GRK7: variants seen among roughly 807,000 people sequenced by gnomAD.
The protein encoded by GRK7 is G protein-coupled receptor kinase 7.
In GRK7, 24 loss-of-function variants were observed where a neutral mutation model predicts 34.1. The observed-to-expected ratio is 0.70, with a 90% CI of 0.51 to 0.99. The LOEUF is 0.99. GRK7 is among the 50% of genes least tolerant of loss of function. GRK7 has a pLI of 0.00. For missense variants in GRK7, 644 were observed against 707.3 expected (o/e 0.91, Z 1.02); for synonymous variants, 256 against 279.4 (o/e 0.92, Z 0.84).
intron 4 of GRK7, among the ~76,000 whole-genome samples, chr3:141,787,264 A>G (rs1356866992): frequency 6.6e-6 from 1 of 152,228 alleles, no homozygotes; most frequent in Non-Finnish European, 1.5e-5. Flanking sequence ...ACACATCAGT[A>G]GAAAACTCAT....
At chr3:141,793,955 C>G (rs2084737692) in intron 4 of GRK7, among the ~76,000 whole-genome samples, 1 of 152,204 alleles carries the variant, frequency 6.6e-6, no homozygotes, top group Non-Finnish European at 1.5e-5. Context: ...CCCTCACAGA[C>G]ACCCAGGGCT....
rs1533499 is a variant in GRK7 at position 141,778,132 on chromosome 3, G to A, written c.-113-40G>A. The A allele has an allele frequency of 0.67, 611,158 of 909,186 alleles. 206,504 individuals carry two copies. The highest frequency in any genetic ancestry group is 0.72 in the Middle Eastern group (2,063 of 2,852). 56.3% of individuals were successfully genotyped at this position (909,186 alleles called of 1,614,324 possible). ...CATAGCCAGTCAAAGCTTCTTACAA[G>A]AGAAACCTCTTTCACACCCTCCACG... On this transcript the variant is annotated intron_variant, in intron 2 of 5. Transcript: ENST00000682958. This position sits in a 1 kb window ranked among gnomAD's most constrained non-coding sequence, Gnocchi z 4.1.
At chr3:141,785,374 G>T (rs554458630) in intron 4 of GRK7, among the ~76,000 whole-genome samples, 1 of 152,206 alleles carries the variant, frequency 6.6e-6, no homozygotes, top group Non-Finnish European at 1.5e-5. Context: ...CCTGGCTTGC[G>T]CTGGGTGTGG....
the GRK7 span, among the ~76,000 whole-genome samples, chr3:141,757,161 T>C: frequency 7.0e-5 from 10 of 143,464 alleles, no homozygotes; most frequent in Non-Finnish European, 1.1e-4. Context: ...TTTTTTTTTT[T>C]ATTATACTTT....
intron 4 of GRK7, among the ~76,000 whole-genome samples, chr3:141,806,566 A>T (rs895896733): frequency 1.9e-4 from 28 of 149,984 alleles, no homozygotes; most frequent in Non-Finnish European, 3.1e-4. Context: ...CCATCTCAAA[A>T]ATATATATAT....
intron 1 of GRK7, among the ~76,000 whole-genome samples, chr3:141,771,396 A>G (rs914089173): frequency 3.3e-5 from 5 of 152,214 alleles, no homozygotes; most frequent in Non-Finnish European, 7.3e-5. Flanking sequence ...GTAACTAAAT[A>G]ATGTGTACAT....
intron 1 of GRK7, among the ~76,000 whole-genome samples, chr3:141,766,062 A>C (rs971028179): frequency 6.6e-6 from 1 of 152,158 alleles, no homozygotes; most frequent in African/African-American, 2.4e-5. Flanking sequence ...TAATGTTACT[A>C]TTGTTTATAA....
At chr3:141,776,162 C>T (rs2084637800) in intron 2 of GRK7, among the ~76,000 whole-genome samples, 1 of 152,086 alleles carries the variant, frequency 6.6e-6, no homozygotes, top group African/African-American at 2.4e-5. Flanking sequence ...TGGCGGGCAC[C>T]TGTAGTCCTA....
At chr3:141,782,633 C>T (rs2084677390) in intron 4 of GRK7, among the ~76,000 whole-genome samples, 1 of 151,960 alleles carries the variant, frequency 6.6e-6, no homozygotes, top group Admixed American at 6.6e-5. Flanking sequence ...AGCTGAAAAA[C>T]ACCAACATGT....
chr3:141,778,575 G>C lies in GRK7; in HGVS notation c.291G>C (p.Glu97Asp). 6.2e-7 allele frequency: 1 copy of C among 1,613,262 alleles called. No homozygotes were observed. Among genetic ancestry groups the C allele is most frequent in the Non-Finnish European group, 8.5e-7 (1 of 1,179,858 alleles). ...ACGTGCAGAACTGGGAGCTGGCCGA[G>C]GAGGGACCCACCAAAGACAGCGCGC... ...LEDVQNWELA[E>D]EGPTKDSALQ... The change falls in exon 3 of 6, where the codon GAG becomes GAC. Residue 97 changes from glutamate (E) to aspartate (D), a missense_variant. By Grantham distance (45) the Glu-to-Asp change is conservative. Coordinates refer to ENST00000682958, the MANE Select transcript of GRK7 (RefSeq NM_139209.3). The surrounding 1 kb of genome is among the most constrained non-coding windows in gnomAD (Gnocchi z 4.1).
intron 1 of GRK7, among the ~76,000 whole-genome samples, chr3:141,772,209 C>A (rs1191213828): frequency 6.6e-6 from 1 of 152,092 alleles, no homozygotes; most frequent in Non-Finnish European, 1.5e-5. Flanking sequence ...ATTCTCCTGC[C>A]TCAGCCTCCC....
At chr3:141,815,699 CTGTG>C (rs61336912) in intron 5 of GRK7, among the ~76,000 whole-genome samples, 183 of 146,010 alleles carry the variant, frequency 1.3e-3, no homozygotes, top group East Asian at 0.011. Flanking sequence ...CTATTTTGAG[CTGTG>C]TGTGTGTGTG....
intron 4 of GRK7, among the ~76,000 whole-genome samples, chr3:141,805,072 ACACACG>A (rs1409910672): frequency 2.0e-5 from 3 of 149,966 alleles, no homozygotes; most frequent in Admixed American, 1.3e-4. Flanking sequence ...ACACACACAC[ACACACG>A]CACATACACT....
intron 4 of GRK7, among the ~76,000 whole-genome samples, chr3:141,799,300 G>A (rs1010795447): frequency 3.9e-5 from 6 of 152,142 alleles, no homozygotes; most frequent in African/African-American, 7.2e-5. Context: ...CTATAGAGGC[G>A]GAATAATGTA....
rs3057588 is a variant in GRK7 at position 141,803,265 on chromosome 3, GAAA to G, written c.1051-4362_1051-4360del. Among the ~76,000 whole-genome samples the G allele has an allele frequency of 3.6e-3, 380 of 106,850 alleles. 3 individuals carry two copies. The highest frequency in any genetic ancestry group is 9.7e-3 in the African/African-American group (267 of 27,404). The allele number at this position is 106,850 out of a possible 152,430, so 70.1% of individuals were successfully genotyped here. On this transcript the variant is annotated intron_variant, in intron 4 of 5. Transcript: ENST00000682958. ...AACATGGTGAAACCCTGTCTCTACT[GAAA>G]AAAAAAAAAAAAAAAAAGCCAGGCG...
At chr3:141,772,735 C>G (rs1553734589) in intron 1 of GRK7, among the ~76,000 whole-genome samples, 1 of 152,114 alleles carries the variant, frequency 6.6e-6, no homozygotes, top group Non-Finnish European at 1.5e-5. Flanking sequence ...TTTCTTTTCT[C>G]TAGGTTACAA....
In GRK7 at chr3:141,793,646, C is replaced by G. The variant is rs564064222; in HGVS notation, c.1050+12835C>G. On this transcript the variant is annotated intron_variant, in intron 4 of 5. Coordinates refer to ENST00000682958, the MANE Select transcript of GRK7 (RefSeq NM_139209.3). ...CCAGACTTGTGTATCCCTAAGGATG[C>G]AGTCAGTGACTGTGAGTAGCTGCCA... Among the ~76,000 whole-genome samples, 14 of 152,238 alleles carry G rather than the reference C, an allele frequency of 9.2e-5. No homozygotes were observed. The East Asian group carries it at 2.5e-3, about 27-fold the overall frequency.
chr3:141,803,182 T>C (rs1710988504), intron 4 of GRK7, among the ~76,000 whole-genome samples: 1 of 151,452 alleles, frequency 6.6e-6, no homozygotes, highest in African/African-American at 2.4e-5. Context: ...ATCCCAGCAC[T>C]TTGGAAGGCC....
chr3:141,790,087 C>T, intron 4 of GRK7, among the ~76,000 whole-genome samples: 1 of 152,002 alleles, frequency 6.6e-6, no homozygotes, highest in Admixed American at 6.6e-5. Flanking sequence ...CTGCAACCTC[C>T]GTCTCCCAGG....
Sources: allele counts gnomAD v4.1 joint callset (sites outside exome capture counted in the v4.1 genomes callset), GRCh38; gene constraint gnomAD v4.1.1; non-coding constraint Gnocchi (gnomAD v3.1); transcripts MANE v1.5; gene names NCBI Gene and HGNC (gene_info 2026-07-23, HGNC 2026-07-21).